The following ETHE1 variants were observed in gnomAD, a reference collection of about 807,000 sequenced individuals.
ETHE1 encodes the protein persulfide dioxygenase ETHE1, mitochondrial.
ETHE1 carries 16 observed loss-of-function variants against 25.7 expected under a neutral mutation model. The observed-to-expected ratio is 0.62, with a 90% CI of 0.42 to 0.95. The LOEUF is 0.95. ETHE1 is among the 40% of genes least tolerant of loss of function. The pLI, the probability that ETHE1 is intolerant of heterozygous loss-of-function variation, is 0.00. For missense variants in ETHE1, 300 were observed against 333.6 expected, an observed-to-expected ratio of 0.90 and a Z score of 0.79; for synonymous variants, 139 against 135.9, an observed-to-expected ratio of 1.02 and a Z score of -0.16.
chr19:43,513,907 A>G (rs1448809356), intron 3 of ETHE1, among the ~76,000 whole-genome samples: 1 of 151,984 alleles, frequency 6.6e-6, no homozygotes, highest in African/African-American at 2.4e-5. Flanking sequence ...TTTTTAGTAT[A>G]GACAGGGTTT....
chr19:43,511,664 A>G (rs1437636979), intron 3 of ETHE1, 98 bp from the exon 4 acceptor site: 5 of 1,381,334 alleles, frequency 3.6e-6, no homozygotes, highest in Non-Finnish European at 4.9e-6. Flanking sequence ...TTATCTAGAT[A>G]AACATTTTGG....
chr19:43,512,044 G>A (rs911985505), intron 3 of ETHE1, among the ~76,000 whole-genome samples: 6 of 152,170 alleles, frequency 3.9e-5, no homozygotes, highest in Non-Finnish European at 8.8e-5. Context: ...TGTAAGACAG[G>A]TCTTTGCTCC....
chr19:43,526,853 T>C, intron 1 of ETHE1, 194 bp from the exon 2 acceptor site: 1 of 1,474,096 alleles, frequency 6.8e-7, no homozygotes, highest in Non-Finnish European at 8.9e-7. Context: ...CTTCCTAACA[T>C]CCCAAAATCA....
chr19:43,506,895 A>G lies in ETHE1; in HGVS notation c.720T>C (p.Ala240=), dbSNP rs1401928753. ...CCCCACAGCGCATGTTGGCTGGAAC[A>G]GCAAAGTCTGAAAGGAAGAAATCAA... ...NLPKPQQIDF[A]VPANMRCGVQ... is the part of the protein sequence containing the mutation. The change falls in exon 7 of 7, where the codon GCT becomes GCC. Residue 240 remains alanine, a synonymous_variant. Coordinates refer to ENST00000292147, the MANE Select transcript of ETHE1 (RefSeq NM_014297.5). 2 of 1,613,924 alleles carry G rather than the reference A, an allele frequency of 1.2e-6. No individual in the cohort carries two copies. The highest frequency in any genetic ancestry group is 2.2e-5 in the South Asian group (2 of 91,066).
At chr19:43,526,071 G>T in intron 3 of ETHE1, 130 bp downstream of exon 3, 1 of 1,410,424 alleles carries the variant, frequency 7.1e-7, no homozygotes. Flanking sequence ...TATGAGCTCA[G>T]GGGTCAGAAA....
At position 43,526,331 on chromosome 19, in the gene ETHE1, G is replaced by C. The variant is rs748794074; in HGVS notation, c.245C>G (p.Ala82Gly). 2 of 1,614,170 alleles carry C rather than the reference G, an allele frequency of 1.2e-6. No homozygotes were observed. Among genetic ancestry groups the C allele is most frequent in the Non-Finnish European group, 1.7e-6 (2 of 1,180,026 alleles). ...LLYAVNTHCH[A>G]DHITGSGLLR... ...CAGCCCCGAGCCTGTAATGTGGTCC[G>C]CGTGGCAGTGGGTATTCACTGGGAG... The change falls in exon 3 of 7, where the codon GCG (alanine) becomes GGG (glycine). Residue 82 changes from alanine to glycine, a missense_variant. Coordinates refer to ENST00000292147, the MANE Select transcript of ETHE1 (RefSeq NM_014297.5).
intron 4 of ETHE1, among the ~76,000 whole-genome samples, chr19:43,510,345 T>C (rs1397626707): frequency 6.7e-6 from 1 of 150,234 alleles, no homozygotes; most frequent in African/African-American, 2.5e-5. Context: ...CTTTTTTTTT[T>C]TTTTTTTTGA....
At position 43,507,941 on chromosome 19, in the gene ETHE1, C is replaced by T. The variant is rs766247547; in HGVS notation, c.712+3G>A. 1 of 1,613,708 alleles carries T rather than the reference C, an allele frequency of 6.2e-7. No individual in the cohort carries two copies. The highest frequency in any genetic ancestry group is 1.3e-5 in the African/African-American group (1 of 74,906). On this transcript the variant is annotated splice_donor_region_variant and intron_variant, in intron 6 of 6. Coordinates refer to ENST00000292147, the MANE Select transcript of ETHE1 (RefSeq NM_014297.5). Reference sequence around the variant, plus strand: ...CCAGAAGTCCAGGTCCCCAGCTGCTCACCTATCTGCTGAGGTTTAGGCAAG... The same window carrying T: ...CCAGAAGTCCAGGTCCCCAGCTGCTTACCTATCTGCTGAGGTTTAGGCAAG...
At position 43,513,552 on chromosome 19, in the gene ETHE1, G is replaced by A. The variant is rs138240202; in HGVS notation, c.376-1986C>T. Among the ~76,000 whole-genome samples, 435 of 152,268 alleles carry A rather than the reference G, an allele frequency of 2.9e-3. 2 individuals carry two copies. The highest frequency in any genetic ancestry group is 9.5e-3 in the African/African-American group (394 of 41,560). ...GCCCCACTGGATTTAGGACTTGCAC[G>A]GAGCCTGCAGCCCCTTCATTTTGGC... On this transcript the variant is annotated intron_variant, in intron 3 of 6. Transcript: ENST00000292147.
chr19:43,526,562 C>T lies in ETHE1; in HGVS notation c.179G>A (p.Arg60Gln). 4 of 1,613,878 alleles carry T rather than the reference C, an allele frequency of 2.5e-6. No individual in the cohort carries two copies. Among genetic ancestry groups the T allele is most frequent in the Non-Finnish European group, 3.4e-6 (4 of 1,179,932 alleles). Residue 60 changes from arginine to glutamine, a missense_variant, in exon 2 of 7, where the codon CGG (arginine) becomes CAG (glutamine). Coordinates refer to ENST00000292147, the MANE Select transcript of ETHE1 (RefSeq NM_014297.5). The part of the protein sequence containing the change: ...LIDPVLETAP[R>Q]DAQLIKELGL... The stretch of plus-strand genomic sequence containing the variant: ...CAGCTCCTTGATCAGCTGGGCATCC[C>T]GAGGCGCTGTTTCCAGGACTGGGTC...
intron 3 of ETHE1, among the ~76,000 whole-genome samples, chr19:43,513,387 A>C (rs966877060): frequency 6.6e-6 from 1 of 151,970 alleles, no homozygotes; most frequent in African/African-American, 2.4e-5. Flanking sequence ...AGCCCGTGAA[A>C]GCAGCCAGGA....
chr19:43,516,640 T>C (rs1236564550), intron 3 of ETHE1, among the ~76,000 whole-genome samples: 4 of 148,076 alleles, frequency 2.7e-5, no homozygotes, highest in Non-Finnish European at 6.0e-5. Flanking sequence ...TTTTTTTTTT[T>C]TGAGATAGAG....
At chr19:43,525,828 C>A (rs1409237776) in intron 3 of ETHE1, 2 of 321,766 alleles carry the variant, frequency 6.2e-6, no homozygotes, top group Non-Finnish European at 1.2e-5. Context: ...CTTCCTCAAA[C>A]GGAGGTTTCC....
In ETHE1 at chr19:43,508,623, G is replaced by A. The variant is rs187419081; in HGVS notation, c.595+152C>T. On this transcript the variant is annotated intron_variant, in intron 5 of 6. Transcript: ENST00000292147. The stretch of plus-strand genomic sequence containing the variant: ...CTCCCAAAGTGCTAGGATTACAAGT[G>A]TGAGCCCCCTTGCCCAGCCTCAAAC... The A allele has an allele frequency of 5.5e-6, 4 of 729,986 alleles. No individual in the cohort carries two copies. The East Asian group carries it at 1.1e-4, about 20-fold the overall frequency. 45.2% of individuals were successfully genotyped at this position (729,986 alleles called of 1,614,324 possible).
chr19:43,519,609 C>A (rs1308221138), intron 3 of ETHE1, among the ~76,000 whole-genome samples: 1 of 152,148 alleles, frequency 6.6e-6, no homozygotes, highest in Non-Finnish European at 1.5e-5. Flanking sequence ...GAAACATAAC[C>A]CAGAAGGAAT....
chr19:43,507,868 C>G (rs1265532770), intron 6 of ETHE1, 76 bp downstream of exon 6: 3 of 1,496,144 alleles, frequency 2.0e-6, no homozygotes. Flanking sequence ...CCAGCCCCTC[C>G]TCTCTCAGAC....
In ETHE1 at chr19:43,511,525, A is replaced by G. The variant is rs1472850646; in HGVS notation, c.417T>C (p.Cys139=). The G allele has an allele frequency of 6.2e-7, 1 of 1,614,026 alleles. No individual in the cohort carries two copies. The highest frequency in any genetic ancestry group is 2.2e-5 in the East Asian group (1 of 44,884). ...TGTGGTCATTCAGGACGAAGGTGAC[A>G]CAGCCTGGGGTGTGGCCAGGGCTGG... is the stretch of plus-strand genomic sequence containing the variant. ...TRASPGHTPG[C]VTFVLNDHSM... The change falls in exon 4 of 7, where the codon TGT becomes TGC. Residue 139 remains cysteine (C), a synonymous_variant. Coordinates refer to ENST00000292147, the MANE Select transcript of ETHE1 (RefSeq NM_014297.5).
At chr19:43,516,623 C>CTTTTTTTTTTTTTTTTTTTTTTTT (rs71169249) in intron 3 of ETHE1, among the ~76,000 whole-genome samples, 1 of 110,172 alleles carries the variant, frequency 9.1e-6, no homozygotes, top group Non-Finnish European at 1.7e-5. Context: ...TTCTTTTTTT[C>CTTTTTTTTTTTTTTTTTTTTTTTT]TTTTTTTTTT....
intron 1 of ETHE1, 65 bp downstream of exon 1, chr19:43,527,032 C>T (rs1972266935): frequency 3.2e-6 from 5 of 1,540,670 alleles, no homozygotes; most frequent in Non-Finnish European, 3.5e-6. Context: ...TTAAGAGACC[C>T]CGGAGTTCCG....
Sources: allele counts gnomAD v4.1 joint callset (sites outside exome capture counted in the v4.1 genomes callset), GRCh38; gene constraint gnomAD v4.1.1; transcripts MANE v1.5; gene names NCBI Gene and HGNC (gene_info 2026-07-23, HGNC 2026-07-21).